Variants in ANKS6 observed in about 807,000 individuals in gnomAD.
ANKS6 encodes the protein ankyrin repeat and sterile alpha motif domain containing 6.
Under a neutral mutation model 77.9 loss-of-function variants are expected in ANKS6, and 47 were observed. The ratio of observed to expected loss-of-function variants is 0.60; its 90% confidence interval spans 0.48 to 0.77. ANKS6 has a LOEUF of 0.77. ANKS6 is among the 30% of genes least tolerant of loss of function. ANKS6 has a pLI of 0.00. For missense variants in ANKS6, 1,150 were observed against 1,159.1 expected, an observed-to-expected ratio of 0.99 and a Z score of 0.11; for synonymous variants, 488 against 501.7, an observed-to-expected ratio of 0.97 and a Z score of 0.37.
intron 8 of ANKS6, among the ~76,000 whole-genome samples, chr9:98,777,001 T>A (rs1437136936): frequency 1.3e-5 from 2 of 152,208 alleles, no homozygotes; most frequent in African/African-American, 4.8e-5. Context: ...TTGACCCTAA[T>A]CCTAATACAT....
At position 98,734,932 on chromosome 9, in the gene ANKS6, C is replaced by T. The variant is rs1831412972; in HGVS notation, c.*1587G>A. 2.0e-6 allele frequency: 2 copies of T among 985,440 alleles called. No individual in the cohort carries two copies. Among genetic ancestry groups the T allele is most frequent in the South Asian group, 9.4e-5 (2 of 21,288 alleles). The allele number at this position is 985,440 out of a possible 1,614,324, so 61.0% of individuals were successfully genotyped here. A position where few individuals can be genotyped will look rare whatever the true frequency, so the allele number is the denominator to read the frequency against. On this transcript the variant is annotated 3_prime_UTR_variant, in exon 15 of 15. Transcript: ENST00000353234. ...AGGCTGAGAGAATTTAAAGGAAAAA[C>T]ACCCAACCATCAGGGCAGGGGAAGA... is the stretch of plus-strand genomic sequence containing the variant.
At position 98,736,620 on chromosome 9, in the gene ANKS6, G is replaced by A. The variant is rs753990621; in HGVS notation, c.2515C>T (p.Arg839Cys). 36 of 1,606,832 alleles carry A rather than the reference G, an allele frequency of 2.2e-5. No individual in the cohort carries two copies. In the Admixed American group the frequency reaches 4.1e-4, roughly 18 times the overall value. Residue 839 changes from arginine (R) to cysteine (C), a missense_variant, in exon 15 of 15, where the codon CGC becomes TGC. Transcript: ENST00000353234. ...GTTTCCTGTAAAATTTGTCTCTCGC[G>A]TCCCTGTGGAGGAAATTGAAAACAG... is the stretch of plus-strand genomic sequence containing the variant. ...AISELNAGKG[R>C]ERQILQETIH...
rs779225287 is a variant in ANKS6 at position 98,732,314 on chromosome 9, G to T, written c.*4205C>A. The T allele has an allele frequency of 2.9e-6, 2 of 688,976 alleles. No homozygotes were observed. The highest frequency in any genetic ancestry group is 4.8e-6 in the Non-Finnish European group (2 of 418,840). 42.7% of individuals were successfully genotyped at this position (688,976 alleles called of 1,614,324 possible). On this transcript the variant is annotated 3_prime_UTR_variant, in exon 15 of 15. Coordinates refer to ENST00000353234, the MANE Select transcript of ANKS6 (RefSeq NM_173551.5). ...GCTCTGAGGCAAGAATAAAAGGGAC[G>T]AGTTCCCTGCCCCCTTTTTACCCGC...
intron 11 of ANKS6, among the ~76,000 whole-genome samples, chr9:98,759,108 G>C (rs1429547443): frequency 6.6e-6 from 1 of 151,586 alleles, no homozygotes; most frequent in African/African-American, 2.4e-5. Context: ...AATTCCATGG[G>C]ATCTGAAAAA....
At chr9:98,772,063 G>C (rs1054909237) in intron 9 of ANKS6, among the ~76,000 whole-genome samples, 1 of 152,180 alleles carries the variant, frequency 6.6e-6, no homozygotes, top group Non-Finnish European at 1.5e-5. Flanking sequence ...CTGAATTGCA[G>C]CCGCCAAAAA....
chr9:98,769,168 T>C (rs961201706), intron 10 of ANKS6, among the ~76,000 whole-genome samples: 1 of 147,666 alleles, frequency 6.8e-6, no homozygotes, highest in Admixed American at 6.7e-5. Flanking sequence ...AAGAAAACAG[T>C]GATAATACCC....
intron 11 of ANKS6, among the ~76,000 whole-genome samples, chr9:98,757,998 T>A (rs1203838867): frequency 2.6e-5 from 4 of 152,068 alleles, no homozygotes; most frequent in African/African-American, 9.7e-5. Context: ...TTTGGGTAAA[T>A]ATTTATTAAG....
In ANKS6 at chr9:98,736,497, C is replaced by T. The variant is rs865800989; in HGVS notation, c.*22G>A. The T allele has an allele frequency of 6.3e-7, 1 of 1,594,582 alleles. No homozygotes were observed. Among genetic ancestry groups the T allele is most frequent in the Middle Eastern group, 1.7e-4 (1 of 5,980 alleles). On this transcript the variant is annotated 3_prime_UTR_variant, in exon 15 of 15. Coordinates refer to ENST00000353234, the MANE Select transcript of ANKS6 (RefSeq NM_173551.5). ...GGTCCCGGGATTCAGAGAGCTCACG[C>T]TGGTGGCTGCGGGAAGGAGGATCAC... is the stretch of plus-strand genomic sequence containing the variant.
chr9:98,758,324 C>CTTTTTTT (rs35699060), intron 11 of ANKS6, among the ~76,000 whole-genome samples: 22 of 134,770 alleles, frequency 1.6e-4, no homozygotes, highest in Admixed American at 3.0e-4. Context: ...CGCCATCTTT[C>CTTTTTTT]TTTTTTTTTT....
At chr9:98,763,797 T>C (rs997866524) in intron 11 of ANKS6, among the ~76,000 whole-genome samples, 1 of 152,102 alleles carries the variant, frequency 6.6e-6, no homozygotes, top group African/African-American at 2.4e-5. Flanking sequence ...GAGACATTCC[T>C]ACTGATCCTA....
Position 98,732,284 on chromosome 9 carries a change from A to G in ANKS6, c.*4235T>C. ...AGCCTCCGGCCTGGCCCATGTCTTC[A>G]GGCAGCTCTGAGGCAAGAATAAAAG... On this transcript the variant is annotated 3_prime_UTR_variant, in exon 15 of 15. Coordinates refer to ENST00000353234, the MANE Select transcript of ANKS6 (RefSeq NM_173551.5). 2 of 611,428 alleles carry G rather than the reference A, an allele frequency of 3.3e-6. No individual in the cohort carries two copies. Among genetic ancestry groups the G allele is most frequent in the Non-Finnish European group, 5.7e-6 (2 of 353,260 alleles). The allele number at this position is 611,428 out of a possible 1,614,324, so 37.9% of individuals were successfully genotyped here.
chr9:98,748,254 G>A (rs758223831), intron 13 of ANKS6, among the ~76,000 whole-genome samples: 4 of 152,200 alleles, frequency 2.6e-5, no homozygotes, highest in Admixed American at 6.5e-5. Context: ...TCTGACCTCC[G>A]TCAACCCTGG....
chr9:98,744,240 G>A (rs986793261), intron 14 of ANKS6, among the ~76,000 whole-genome samples: 4 of 152,198 alleles, frequency 2.6e-5, no homozygotes, highest in Admixed American at 2.6e-4. Context: ...CCCTTTGAAG[G>A]ATCACCTTAT....
At position 98,736,911 on chromosome 9, in the gene ANKS6, C is replaced by A. The variant is rs537442124; in HGVS notation, c.2512-288G>T. 3.3e-5 allele frequency among the ~76,000 whole-genome samples: 5 copies of A among 152,342 alleles called. No individual in the cohort carries two copies. The South Asian group carries it at 8.3e-4, about 25-fold the overall frequency. On this transcript the variant is annotated intron_variant, in intron 14 of 14. Coordinates refer to ENST00000353234, the MANE Select transcript of ANKS6 (RefSeq NM_173551.5). ...GCCGAGTCCGGGGCAGGACTGACTT[C>A]TCCCGAGTCGCACGGCCCGGATTCG...
intron 11 of ANKS6, among the ~76,000 whole-genome samples, chr9:98,756,880 A>T (rs777428723): frequency 2.7e-5 from 4 of 145,546 alleles, no homozygotes; most frequent in African/African-American, 5.0e-5. Flanking sequence ...CGCTCCCCCA[A>T]TCCCAGTCCT....
intron 9 of ANKS6, among the ~76,000 whole-genome samples, chr9:98,771,782 C>T (rs982452977): frequency 2.0e-5 from 3 of 152,140 alleles, no homozygotes; most frequent in African/African-American, 4.8e-5. Context: ...ACTGCCTAAG[C>T]GGTATAATAT....
intron 2 of ANKS6, 197 bp downstream of exon 2, chr9:98,789,907 C>T (rs1834795811): frequency 1.4e-6 from 1 of 736,852 alleles, no homozygotes; most frequent in African/African-American, 1.7e-5. Flanking sequence ...CCAAATCACT[C>T]TGCAGAGAGT....
intron 12 of ANKS6, among the ~76,000 whole-genome samples, chr9:98,754,613 G>C (rs1832600587): frequency 6.6e-6 from 1 of 151,762 alleles, no homozygotes; most frequent in Non-Finnish European, 1.5e-5. Flanking sequence ...CTGCACTCCA[G>C]CATGGGTGAC....
chr9:98,748,081 G>C (rs964904258), intron 13 of ANKS6, among the ~76,000 whole-genome samples: 5 of 152,180 alleles, frequency 3.3e-5, no homozygotes, highest in African/African-American at 1.2e-4. Flanking sequence ...CCCTTCTCTG[G>C]GCTCCAGAGT....
Sources: gnomAD v4.1 joint callset for allele counts (sites outside exome capture counted in the v4.1 genomes callset) on GRCh38, gnomAD v4.1.1 for gene constraint, MANE v1.5 for transcripts, NCBI Gene and HGNC (gene_info 2026-07-23, HGNC 2026-07-21) for gene names.